The following GULP1 variants were observed in gnomAD, a reference collection of about 807,000 sequenced individuals.
The protein encoded by GULP1 is PTB domain-containing engulfment adapter protein 1.
Under a neutral mutation model 40.9 loss-of-function variants are expected in GULP1, and 19 were observed. The ratio of observed to expected loss-of-function variants is 0.46; its 90% CI spans 0.32 to 0.68. The LOEUF (loss-of-function observed/expected upper bound fraction) is 0.68. Ranked by LOEUF, GULP1 falls within the 30% of genes least tolerant of loss-of-function variation. GULP1 has a pLI of 0.03. For synonymous variants in GULP1, 119 were observed against 117.6 expected (o/e 1.01, Z -0.08); for missense variants, 312 against 362.2 (o/e 0.86, Z 1.12).
rs1179845939 is a variant in GULP1 at position 188,594,480 on chromosome 2, C to A, written c.*469C>A. 2 of 152,358 alleles carry A rather than the reference C, an allele frequency of 1.3e-5. No individual in the cohort carries two copies. Among genetic ancestry groups the A allele is most frequent in the African/African-American group, 4.8e-5 (2 of 41,370 alleles). 9.4% of individuals were successfully genotyped at this position (152,358 alleles called of 1,614,324 possible). On this transcript the variant is annotated 3_prime_UTR_variant, in exon 12 of 12. Transcript: ENST00000409830. The stretch of plus-strand genomic sequence containing the variant: ...ATGTTACTATTCATTGGACAGATAT[C>A]ATTTTATGTATAAATACTGTTCACA...
At chr2:188,341,611 G>C (rs962368140) in intron 1 of GULP1, among the ~76,000 whole-genome samples, 8 of 151,994 alleles carry the variant, frequency 5.3e-5, no homozygotes, top group African/African-American at 1.9e-4. Flanking sequence ...ATTTATATCT[G>C]CTATAAAGGA....
chr2:188,370,051 G>A (rs1254233282), intron 1 of GULP1, among the ~76,000 whole-genome samples: 3 of 152,100 alleles, frequency 2.0e-5, no homozygotes, highest in Non-Finnish European at 4.4e-5. Flanking sequence ...TTGCTTTGTT[G>A]CCCAAGCTGC....
At chr2:188,586,605 G>A (rs1702423099) in intron 10 of GULP1, among the ~76,000 whole-genome samples, 4 of 152,268 alleles carry the variant, frequency 2.6e-5, no homozygotes, top group African/African-American at 7.2e-5. Context: ...CTGGCTTATA[G>A]ATTTTTACCC....
At chr2:188,407,937 A>G (rs1008637326) in intron 2 of GULP1, among the ~76,000 whole-genome samples, 36 of 152,364 alleles carry the variant, frequency 2.4e-4, no homozygotes, top group African/African-American at 6.7e-4. Flanking sequence ...GATTAAAAGT[A>G]AAAGGATGCA....
intron 1 of GULP1, among the ~76,000 whole-genome samples, chr2:188,343,635 A>C (rs945222400): frequency 1.3e-5 from 2 of 152,182 alleles, no homozygotes; most frequent in African/African-American, 4.8e-5. Context: ...TTCTTTGAGC[A>C]TGATTCTGCT....
intron 2 of GULP1, among the ~76,000 whole-genome samples, chr2:188,470,253 G>A (rs1255042017): frequency 1.3e-5 from 2 of 152,068 alleles, no homozygotes; most frequent in Non-Finnish European, 2.9e-5. Context: ...ATTTGTTCAT[G>A]TTTTGAATAT....
chr2:188,307,085 A>G (rs2037219014), intron 1 of GULP1, among the ~76,000 whole-genome samples: 1 of 152,200 alleles, frequency 6.6e-6, no homozygotes, highest in Non-Finnish European at 1.5e-5. Context: ...GAATTATTGA[A>G]GGAAAATAAT....
At chr2:188,325,162 A>T (rs930211870) in intron 1 of GULP1, among the ~76,000 whole-genome samples, 3 of 152,032 alleles carry the variant, frequency 2.0e-5, no homozygotes, top group African/African-American at 7.2e-5. Context: ...AAACTCAGTG[A>T]AGATATTTGA....
At chr2:188,569,184 C>T in intron 7 of GULP1, 55 bp from the exon 8 acceptor site, 1 of 911,062 alleles carries the variant, frequency 1.1e-6, no homozygotes, top group South Asian at 1.3e-5. Context: ...TTTCTCGATT[C>T]AAAAACAGTT....
At chr2:188,415,930 A>G (rs1379328771) in intron 2 of GULP1, among the ~76,000 whole-genome samples, 1 of 152,178 alleles carries the variant, frequency 6.6e-6, no homozygotes, top group Non-Finnish European at 1.5e-5. Flanking sequence ...GCTCTGTTAG[A>G]AGATTGTTGA....
At chr2:188,317,533 T>C (rs1462638433) in intron 1 of GULP1, among the ~76,000 whole-genome samples, 2 of 152,060 alleles carry the variant, frequency 1.3e-5, no homozygotes, top group African/African-American at 4.8e-5. Context: ...TATCTTTACA[T>C]TGTTTTATTT....
At chr2:188,465,997 A>T (rs965068922) in intron 2 of GULP1, among the ~76,000 whole-genome samples, 5 of 151,358 alleles carry the variant, frequency 3.3e-5, no homozygotes, top group Non-Finnish European at 5.9e-5. Context: ...GTGTGTAGAT[A>T]GTTGTTAACT....
At chr2:188,488,830 A>G (rs2062087969) in intron 4 of GULP1, among the ~76,000 whole-genome samples, 1 of 151,978 alleles carries the variant, frequency 6.6e-6, no homozygotes, top group African/African-American at 2.4e-5. Context: ...AGCATTCTGG[A>G]ACAAAATATT....
At chr2:188,566,639 A>T (rs1047705810) in intron 7 of GULP1, among the ~76,000 whole-genome samples, 4 of 151,246 alleles carry the variant, frequency 2.6e-5, no homozygotes, top group South Asian at 2.1e-4. Flanking sequence ...CTATAAAAAT[A>T]AAAAAAATTA....
At chr2:188,328,431 T>A (rs1031321980) in intron 1 of GULP1, among the ~76,000 whole-genome samples, 14 of 152,124 alleles carry the variant, frequency 9.2e-5, no homozygotes, top group African/African-American at 3.4e-4. Context: ...CTACTTCTGT[T>A]TCTCTTAATG....
At chr2:188,297,879 A>C (rs986408694) in intron 1 of GULP1, among the ~76,000 whole-genome samples, 1 of 152,126 alleles carries the variant, frequency 6.6e-6, no homozygotes, top group Non-Finnish European at 1.5e-5. Context: ...TTTGGGATAA[A>C]AAATTGAAAT....
chr2:188,552,381 C>T (rs950015534), intron 7 of GULP1, among the ~76,000 whole-genome samples: 3 of 151,652 alleles, frequency 2.0e-5, no homozygotes, highest in African/African-American at 7.3e-5. Flanking sequence ...CTATTCAATT[C>T]AATTTTCCCA....
intron 1 of GULP1, among the ~76,000 whole-genome samples, chr2:188,363,711 T>C (rs1405378547): frequency 6.6e-6 from 1 of 152,092 alleles, no homozygotes; most frequent in Non-Finnish European, 1.5e-5. Context: ...TTTTTGCCAT[T>C]GTACATAAGA....
In GULP1 at chr2:188,325,933, G is replaced by T. The variant is rs894406552; in HGVS notation, c.-172+33767G>T. 6.6e-5 allele frequency among the ~76,000 whole-genome samples: 10 copies of T among 152,194 alleles called. 1 individual carries two copies. The highest frequency in any genetic ancestry group is 4.6e-4 in the Admixed American group (7 of 15,250). On this transcript the variant is annotated intron_variant, in intron 1 of 11. Transcript: ENST00000409830. ...TGCCACTCATTTAGTTATTATTCTT[G>T]TACGCATTGTTGCAAGTGATAGAAC...
Sources: allele counts gnomAD v4.1 joint callset (sites outside exome capture counted in the v4.1 genomes callset), GRCh38; gene constraint gnomAD v4.1.1; transcripts MANE v1.5; gene names NCBI Gene and HGNC (gene_info 2026-07-23, HGNC 2026-07-21).